CAST: variants seen among roughly 807,000 people sequenced by gnomAD.
CAST encodes the protein MIR583 host.
A neutral mutation model predicts 119.6 loss-of-function variants in CAST; 76 were observed. That is an observed-to-expected ratio of 0.64 (90% CI 0.53 to 0.77). The LOEUF (loss-of-function observed/expected upper bound fraction) is 0.77, where lower values mean the gene tolerates loss of function less well. Ranked by LOEUF, CAST falls within the 30% of genes least tolerant of loss-of-function variation. The pLI, the probability that CAST is intolerant of heterozygous loss-of-function variation, is 0.00. For synonymous variants in CAST, 319 were observed against 331.6 expected, an observed-to-expected ratio of 0.96 and a Z score of 0.41; for missense variants, 953 against 946.5, an observed-to-expected ratio of 1.01 and a Z score of -0.09.
chr5:96,236,831 G>A, the CAST span, among the ~76,000 whole-genome samples: 1 of 152,126 alleles, frequency 6.6e-6, no homozygotes. Context: ...CTGGACCTGG[G>A]TTCTTCTTTG....
chr5:96,445,000 G>C, the CAST span, among the ~76,000 whole-genome samples: 1 of 152,178 alleles, frequency 6.6e-6, no homozygotes, highest in Non-Finnish European at 1.5e-5. Flanking sequence ...CAATGCCAGA[G>C]TCTTTAAGTC....
At chr5:96,468,142 G>A in the CAST span, among the ~76,000 whole-genome samples, 64,665 of 151,752 alleles carry the variant, frequency 0.43, 13,926 homozygotes, top group East Asian at 0.51. Flanking sequence ...AAAACCAAAT[G>A]CTGTATGTTC....
chr5:96,605,590 T>C (rs1241697817), intron 1 of CAST, among the ~76,000 whole-genome samples: 1 of 152,210 alleles, frequency 6.6e-6, no homozygotes, highest in Admixed American at 6.5e-5. Flanking sequence ...AATAGATTAC[T>C]CACTTCATTC....
the CAST span, among the ~76,000 whole-genome samples, chr5:96,058,206 G>T: frequency 6.6e-6 from 1 of 152,014 alleles, no homozygotes; most frequent in Non-Finnish European, 1.5e-5. Flanking sequence ...GTCCCTCCCT[G>T]GGAATTCCCT....
intron 1 of CAST, among the ~76,000 whole-genome samples, chr5:96,623,483 T>C (rs1304662272): frequency 6.6e-6 from 1 of 152,132 alleles, no homozygotes; most frequent in African/African-American, 2.4e-5. Context: ...TAAGGGAGCA[T>C]TTACATCATT....
At chr5:96,293,413 G>A in the CAST span, among the ~76,000 whole-genome samples, 1 of 152,094 alleles carries the variant, frequency 6.6e-6, no homozygotes, top group Non-Finnish European at 1.5e-5. Context: ...GAGTAGCTGG[G>A]ATTACAGGCA....
the CAST span, chr5:96,410,771 T>A: frequency 2.5e-6 from 4 of 1,611,238 alleles, no homozygotes; most frequent in Non-Finnish European, 3.4e-6. Context: ...AAAAGCAACA[T>A]ACGATTCTCT....
At chr5:96,094,683 G>A in the CAST span, among the ~76,000 whole-genome samples, 224 of 152,252 alleles carry the variant, frequency 1.5e-3, 1 homozygote, top group Non-Finnish European at 1.7e-3. Flanking sequence ...GGTGTTGAAC[G>A]CTAGCTGTTT....
At chr5:96,232,811 G>A in the CAST span, among the ~76,000 whole-genome samples, 1 of 151,972 alleles carries the variant, frequency 6.6e-6, no homozygotes, top group Admixed American at 6.6e-5. Flanking sequence ...AGCATACTAT[G>A]TTCATGGATA....
the CAST span, among the ~76,000 whole-genome samples, chr5:96,229,338 G>A: frequency 6.0e-5 from 9 of 151,232 alleles, no homozygotes; most frequent in South Asian, 2.1e-4. Context: ...GACCTTTCAC[G>A]CTTCAGCAGT....
At chr5:95,976,475 G>GTATATAGCT in the CAST span, among the ~76,000 whole-genome samples, 1 of 151,976 alleles carries the variant, frequency 6.6e-6, no homozygotes, top group Non-Finnish European at 1.5e-5. Context: ...CTGTGCTTGT[G>GTATATAGCT]GTTCATGTAT....
intron 1 of CAST, among the ~76,000 whole-genome samples, chr5:96,539,112 A>G (rs1184580423): frequency 6.6e-6 from 1 of 152,206 alleles, no homozygotes; most frequent in East Asian, 1.9e-4. Context: ...TATGAAGACA[A>G]TCACAGCAAA....
intron 30 of CAST, among the ~76,000 whole-genome samples, chr5:96,771,162 T>C (rs1772158672): frequency 2.0e-5 from 3 of 152,216 alleles, no homozygotes; most frequent in African/African-American, 7.2e-5. Context: ...GGAAACAGCA[T>C]TGATAATTGG....
At chr5:96,059,196 T>A in the CAST span, among the ~76,000 whole-genome samples, 2 of 152,052 alleles carry the variant, frequency 1.3e-5, no homozygotes, top group Non-Finnish European at 2.9e-5. Context: ...CCTAGCATCA[T>A]GCAAAACATA....
chr5:96,557,389 G>T (rs541213529), intron 1 of CAST, among the ~76,000 whole-genome samples: 47 of 152,082 alleles, frequency 3.1e-4, no homozygotes, highest in Admixed American at 1.1e-3. Context: ...TGGGCTAAAT[G>T]CTCCAATTAA....
chr5:96,657,957 C>G (rs569676509), upstream of CAST, among the ~76,000 whole-genome samples: 1 of 152,046 alleles, frequency 6.6e-6, no homozygotes, highest in Non-Finnish European at 1.5e-5. Context: ...ATTAGATGAC[C>G]GTGGTGGTGG....
chr5:96,024,775 C>G, the CAST span, among the ~76,000 whole-genome samples: 3 of 152,092 alleles, frequency 2.0e-5, no homozygotes, highest in Admixed American at 2.0e-4. Context: ...GCCTTCTTTT[C>G]ATATGAAAAG....
chr5:96,599,966 CAAAAAAA>C (rs74978713), intron 1 of CAST, among the ~76,000 whole-genome samples: 37 of 47,210 alleles, frequency 7.8e-4, no homozygotes, highest in African/African-American at 2.0e-3. Context: ...CTTCATTAGG[CAAAAAAA>C]AAAAAAAAAA....
the CAST span, among the ~76,000 whole-genome samples, chr5:96,366,019 C>G: frequency 6.6e-6 from 1 of 152,156 alleles, no homozygotes; most frequent in Non-Finnish European, 1.5e-5. Flanking sequence ...TTAGGGCAGG[C>G]CTGTTGGTGA....
Sources: gnomAD v4.1 joint callset for allele counts (sites outside exome capture counted in the v4.1 genomes callset) on GRCh38, gnomAD v4.1.1 for gene constraint, MANE v1.5 for transcripts, NCBI Gene and HGNC (gene_info 2026-07-23, HGNC 2026-07-21) for gene names.